LRBA: variants seen among roughly 807,000 people sequenced by gnomAD.
LRBA encodes the protein lipopolysaccharide-responsive and beige-like anchor protein.
In LRBA, 176 loss-of-function variants were observed where a neutral mutation model predicts 330.0. The ratio of observed to expected loss-of-function variants is 0.53; its 90% CI spans 0.47 to 0.60. The LOEUF is 0.60. Ranked by LOEUF, LRBA falls within the 20% of genes least tolerant of loss-of-function variation. The probability of loss-of-function intolerance (pLI) is 0.00; values close to 1 mark genes in which losing one functional copy is unlikely to be tolerated. For synonymous variants in LRBA, 1,230 were observed against 1,193.0 expected, an observed-to-expected ratio of 1.03 and a Z score of -0.64; for missense variants, 3,259 against 3,444.8, an observed-to-expected ratio of 0.95 and a Z score of 1.35.
intron 47 of LRBA, among the ~76,000 whole-genome samples, chr4:150,386,554 A>G (rs1743094079): frequency 6.6e-6 from 1 of 151,652 alleles, no homozygotes; most frequent in Non-Finnish European, 1.5e-5. Context: ...TGCTGAGGAT[A>G]ATGGCCTCCA....
chr4:150,551,624 T>C (rs1004892069), intron 40 of LRBA, among the ~76,000 whole-genome samples: 8 of 151,924 alleles, frequency 5.3e-5, no homozygotes, highest in Non-Finnish European at 1.0e-4. Flanking sequence ...GCCATGATCA[T>C]GTCACTGCAC....
intron 17 of LRBA, among the ~76,000 whole-genome samples, chr4:150,881,610 C>A (rs115783373): frequency 0.023 from 3,468 of 152,242 alleles, 120 homozygotes; most frequent in African/African-American, 0.079. Context: ...CCTCAAACCT[C>A]AGCATCATAC....
chr4:150,338,914 G>A (rs1290211437), intron 48 of LRBA, among the ~76,000 whole-genome samples: 2 of 151,624 alleles, frequency 1.3e-5, no homozygotes, highest in African/African-American at 4.8e-5. Context: ...TAGTTAACAT[G>A]TATTGCTTTG....
intron 2 of LRBA, among the ~76,000 whole-genome samples, chr4:150,963,471 T>C (rs1242231305): frequency 1.3e-5 from 2 of 149,254 alleles, no homozygotes; most frequent in Non-Finnish European, 1.5e-5. Context: ...GCAGACAGAG[T>C]CTCGTTCACT....
At chr4:150,579,548 GTT>G (rs1770972546) in intron 40 of LRBA, 1 of 411,430 alleles carries the variant, frequency 2.4e-6, no homozygotes, top group Non-Finnish European at 4.9e-6. Flanking sequence ...GTAATGAATT[GTT>G]TTTAAATCAA....
chr4:150,662,498 G>A (rs1479334061), intron 37 of LRBA, among the ~76,000 whole-genome samples: 2 of 152,158 alleles, frequency 1.3e-5, no homozygotes, highest in Non-Finnish European at 2.9e-5. Flanking sequence ...TCCAGGCAAC[G>A]GAAATTTTTT....
chr4:150,899,996 T>C (rs1269793737), intron 14 of LRBA, 53 bp downstream of exon 14: 2 of 1,388,332 alleles, frequency 1.4e-6, no homozygotes, highest in African/African-American at 1.4e-5. Flanking sequence ...AAAAGAAAAA[T>C]TAAATCCTGA....
At position 150,597,096 on chromosome 4, in the gene LRBA, TCTCAATTTAAAAATGCACA is replaced by T. The variant is rs906551682; in HGVS notation, c.6046+1892_6046+1910del. On this transcript the variant is annotated intron_variant, in intron 38 of 56. Transcript: ENST00000651943. ...CTCAATGCTTACCTTTGCTGTTCTCTCTCAATTTAAAAATGCACACTAAAACATAGATAATTAACATTGG... is the reference window on the plus strand; with the variant it reads ...CTCAATGCTTACCTTTGCTGTTCTCTCTAAAACATAGATAATTAACATTGG... 7.1e-7 allele frequency: 1 copy of T among 1,401,276 alleles called. No homozygotes were observed. Among genetic ancestry groups the T allele is most frequent in the East Asian group, 2.4e-5 (1 of 41,038 alleles). The allele number at this position is 1,401,276 out of a possible 1,614,324, so 86.8% of individuals were successfully genotyped here.
chr4:150,608,550 A>G (rs1192773830), intron 37 of LRBA, among the ~76,000 whole-genome samples: 4 of 152,200 alleles, frequency 2.6e-5, no homozygotes, highest in Admixed American at 2.6e-4. Flanking sequence ...AAAGGATGAA[A>G]AATGAAGAGA....
intron 2 of LRBA, among the ~76,000 whole-genome samples, chr4:151,007,515 A>C (rs1457434435): frequency 1.4e-5 from 2 of 145,196 alleles, no homozygotes; most frequent in African/African-American, 2.6e-5. Context: ...AAAAAAAAAA[A>C]AACAAAAAAA....
At chr4:150,557,853 T>C (rs1332918859) in intron 40 of LRBA, among the ~76,000 whole-genome samples, 2 of 152,130 alleles carry the variant, frequency 1.3e-5, no homozygotes, top group East Asian at 1.9e-4. Context: ...TTCCACTGTA[T>C]AGTTATTTTA....
chr4:150,621,012 T>C lies in LRBA; in HGVS notation c.5922-21881A>G, dbSNP rs113795650. Among the ~76,000 whole-genome samples, 699 of 152,284 alleles carry C rather than the reference T, an allele frequency of 4.6e-3. 2 individuals are homozygous for C. Among genetic ancestry groups the C allele is most frequent in the Non-Finnish European group, 7.5e-3 (510 of 68,018 alleles). Reference sequence around the variant, plus strand: ...AAATTTTTTTGGAGAAATTTAATTGTACTCTGCTGTTTGATAAAAAGTGCT... The same window carrying C: ...AAATTTTTTTGGAGAAATTTAATTGCACTCTGCTGTTTGATAAAAAGTGCT... On this transcript the variant is annotated intron_variant, in intron 37 of 56. Transcript: ENST00000651943.
At chr4:150,413,739 G>A (rs1450459408) in intron 47 of LRBA, among the ~76,000 whole-genome samples, 1 of 152,038 alleles carries the variant, frequency 6.6e-6, no homozygotes, top group Non-Finnish European at 1.5e-5. Flanking sequence ...TCCTTGAATT[G>A]CATACTTTAA....
At chr4:150,984,216 T>A (rs1240485273) in intron 2 of LRBA, among the ~76,000 whole-genome samples, 1 of 152,216 alleles carries the variant, frequency 6.6e-6, no homozygotes, top group South Asian at 2.1e-4. Context: ...ATTTTTGCGA[T>A]CTACAGAACT....
chr4:150,950,574 C>A (rs202022574), intron 2 of LRBA, among the ~76,000 whole-genome samples: 13 of 147,484 alleles, frequency 8.8e-5, no homozygotes, highest in East Asian at 7.9e-4. Context: ...TTTTCTCCAC[C>A]AAAAAAAAAA....
At chr4:150,768,210 G>GAGTTAGTA (rs940669285) in intron 34 of LRBA, among the ~76,000 whole-genome samples, 1 of 151,860 alleles carries the variant, frequency 6.6e-6, no homozygotes, top group African/African-American at 2.4e-5. Flanking sequence ...GGAAACACAT[G>GAGTTAGTA]AGTTAGTAGT....
At position 150,583,735 on chromosome 4, in the gene LRBA, G is replaced by A; in HGVS notation, c.6330+4313C>T. The A allele has an allele frequency of 6.2e-7, 1 of 1,613,626 alleles. No individual in the cohort carries two copies. Among genetic ancestry groups the A allele is most frequent in the Non-Finnish European group, 8.5e-7 (1 of 1,179,834 alleles). ...CGACGCCTGGGTGCTACAGTTCGGG[G>A]AGGCGGAGAACCGCCTGCTGATGGG... On this transcript the variant is annotated intron_variant, in intron 40 of 56. Coordinates refer to ENST00000651943, the MANE Select transcript of LRBA (RefSeq NM_001364905.1). This position sits in a 1 kb window ranked among gnomAD's most constrained non-coding sequence, Gnocchi z 9.8.
rs1210305744 is a variant in LRBA, at chr4:150,325,889, C to T, written c.7372G>A (p.Ala2458Thr). Reference protein sequence around the residue: ...TDPVLREAVEAQIRSFGQTPS... With the variant: ...TDPVLREAVETQIRSFGQTPS... ...GTCTGTCCAAAACTTCGGATTTGAG[C>T]TTCAACAGCCTGAAAAGGGCAGGGG... Residue 2458 changes from alanine (A) to threonine (T), a missense_variant, in exon 49 of 57, where the codon GCT (alanine) becomes ACT (threonine). Physicochemically the swap from Ala to Thr is moderately conservative, Grantham distance 58 (BLOSUM62 0). Transcript: ENST00000651943. The T allele has an allele frequency of 6.2e-7, 1 of 1,608,788 alleles. No homozygotes were observed. The highest frequency in any genetic ancestry group is 8.5e-7 in the Non-Finnish European group (1 of 1,175,714).
At chr4:150,953,105 C>G (rs997089550) in intron 2 of LRBA, among the ~76,000 whole-genome samples, 1 of 152,150 alleles carries the variant, frequency 6.6e-6, no homozygotes, top group African/African-American at 2.4e-5. Context: ...TCATTTCTAT[C>G]TGAAGAGCGT....
Sources: allele counts gnomAD v4.1 joint callset (sites outside exome capture counted in the v4.1 genomes callset), GRCh38; gene constraint gnomAD v4.1.1; non-coding constraint Gnocchi (gnomAD v3.1); transcripts MANE v1.5; gene names NCBI Gene and HGNC (gene_info 2026-07-23, HGNC 2026-07-21).